The following HEATR1 variants were observed in gnomAD, a reference collection of about 807,000 sequenced individuals.
The protein encoded by HEATR1 is HEAT repeat-containing protein 1.
A neutral mutation model predicts 248.2 loss-of-function variants in HEATR1; 77 were observed. The observed-to-expected ratio is 0.31, with a 90% CI of 0.26 to 0.37. The LOEUF is 0.37. HEATR1 is among the 10% of genes least tolerant of loss of function. The pLI, the probability that HEATR1 is intolerant of heterozygous loss-of-function variation, is 1.00. For missense variants in HEATR1, 2,420 were observed against 2,504.9 expected, an observed-to-expected ratio of 0.97 and a Z score of 0.72; for synonymous variants, 897 against 923.1, an observed-to-expected ratio of 0.97 and a Z score of 0.51.
At chr1:236,598,702 T>C (rs949051247) in intron 4 of HEATR1, among the ~76,000 whole-genome samples, 2 of 152,176 alleles carry the variant, frequency 1.3e-5, no homozygotes, top group Non-Finnish European at 1.5e-5. Flanking sequence ...ACTCCTATCT[T>C]ACTAATTCTG....
chr1:236,603,279 A>G lies in HEATR1; in HGVS notation c.240T>C (p.Ser80=), dbSNP rs1664375002. ...GTTTGTTTACTGCTTTGGTCTGAAC[A>G]CTTCGCTCCAAGGTTTTTGCTAGCT... ...FSQLAKTLER[S]VQTKAVNKQL... The change falls in exon 3 of 45, where the codon AGT becomes AGC. Residue 80 remains serine (S), a synonymous_variant. Transcript: ENST00000366582. 1 of 1,614,136 alleles carries G rather than the reference A, an allele frequency of 6.2e-7. No homozygotes were observed. Among genetic ancestry groups the G allele is most frequent in the Non-Finnish European group, 8.5e-7 (1 of 1,179,990 alleles).
chr1:236,594,181 A>G, intron 8 of HEATR1, 67 bp from the exon 9 acceptor site: 1 of 1,007,758 alleles, frequency 9.9e-7, no homozygotes, highest in Non-Finnish European at 1.5e-6. Context: ...TATTAAATTC[A>G]CTTATAGCAG....
At chr1:236,578,861 T>C (rs551455136) in intron 20 of HEATR1, among the ~76,000 whole-genome samples, 4 of 152,320 alleles carry the variant, frequency 2.6e-5, no homozygotes, top group African/African-American at 9.6e-5. Context: ...AAAGATCTAG[T>C]AGGAATGCAT....
chr1:236,564,921 G>A (rs1038909819), intron 31 of HEATR1, among the ~76,000 whole-genome samples: 3 of 152,180 alleles, frequency 2.0e-5, no homozygotes, highest in Non-Finnish European at 4.4e-5. Context: ...CAATCAAATG[G>A]AAGAAACCAC....
intron 3 of HEATR1, among the ~76,000 whole-genome samples, chr1:236,602,154 A>C (rs1233491510): frequency 6.6e-6 from 1 of 152,146 alleles, no homozygotes; most frequent in Non-Finnish European, 1.5e-5. Context: ...AAAGACATAC[A>C]TATTGGGAGA....
At chr1:236,568,048 A>C (rs929367675) in intron 29 of HEATR1, among the ~76,000 whole-genome samples, 2 of 152,244 alleles carry the variant, frequency 1.3e-5, no homozygotes, top group African/African-American at 4.8e-5. Flanking sequence ...GCTCTCCATC[A>C]ATCAATCACC....
rs768724570 is a variant in HEATR1, at chr1:236,554,731, T to C, written c.5945A>G (p.Glu1982Gly). ...SKTDEAFFDS[E>G]NDPEKCCLLL... is the part of the protein sequence containing the mutation. The stretch of plus-strand genomic sequence containing the variant: ...CAAGCAGCACTTTTCAGGGTCATTT[T>C]CAGAGTCAAAAAATGCTTCATCTGT... The change falls in exon 42 of 45, where the codon GAA (glutamate) becomes GGA (glycine). Residue 1982 changes from glutamate to glycine, a missense_variant. Coordinates refer to ENST00000366582, the MANE Select transcript of HEATR1 (RefSeq NM_018072.6). The C allele has an allele frequency of 2.5e-6, 4 of 1,610,764 alleles. No homozygotes were observed. The Admixed American group carries it at 6.7e-5, about 27-fold the overall frequency.
Position 236,572,138 on chromosome 1 carries a change from C to T in HEATR1, c.3707+273G>A, listed in dbSNP as rs115275374. 9.9e-3 allele frequency among the ~76,000 whole-genome samples: 1,502 copies of T among 152,182 alleles called. 15 individuals are homozygous for T. The highest frequency in any genetic ancestry group is 0.012 in the Non-Finnish European group (835 of 68,018). ...AAATTCAACACTATATCTTGAAATG[C>T]AAGTAATGACGTCCCAGGCACGCTA... On this transcript the variant is annotated intron_variant, in intron 26 of 44. Coordinates refer to ENST00000366582, the MANE Select transcript of HEATR1 (RefSeq NM_018072.6).
At chr1:236,555,743 T>C (rs1662951943) in intron 39 of HEATR1, 62 bp downstream of exon 39, 1 of 1,609,284 alleles carries the variant, frequency 6.2e-7, no homozygotes, top group African/African-American at 1.3e-5. Flanking sequence ...GCTAGATTGT[T>C]CTCGGACTCT....
chr1:236,554,639 T>C lies in HEATR1; in HGVS notation c.6037A>G (p.Lys2013Glu), dbSNP rs777130681. 1.9e-5 allele frequency: 30 copies of C among 1,613,128 alleles called. No individual in the cohort carries two copies. In the Middle Eastern group the frequency reaches 8.3e-4, roughly 44 times the overall value. Reference protein sequence around the residue: ...FLFDTQHFISKERAEALMMPL... With the variant: ...FLFDTQHFISEERAEALMMPL... ...ATCATCAAGGCTTCTGCTCTCTCTT[T>C]ACTTATAAAATGCTGGGTATCAAAA... is the stretch of plus-strand genomic sequence containing the variant. Residue 2013 changes from lysine to glutamate, a missense_variant, in exon 42 of 45, where the codon AAA becomes GAA. Lys to Glu is a moderately conservative substitution (Grantham distance 56). Transcript: ENST00000366582.
chr1:236,567,057 T>A (rs1558181458), intron 29 of HEATR1, among the ~76,000 whole-genome samples, 181 bp from the exon 30 acceptor site: 2 of 152,088 alleles, frequency 1.3e-5, no homozygotes, highest in Non-Finnish European at 2.9e-5. Flanking sequence ...TGTGATCATA[T>A]CTCACCGCAG....
At position 236,595,533 on chromosome 1, in the gene HEATR1, C is replaced by T. The variant is rs1664154210; in HGVS notation, c.1090+7G>A. On this transcript the variant is annotated splice_region_variant and intron_variant, in intron 8 of 44. Coordinates refer to ENST00000366582, the MANE Select transcript of HEATR1 (RefSeq NM_018072.6). ...AATTTCTGGACAAAAAATATAAAACCACACACCTGTAACATGATGAATGAT... is the reference window on the plus strand; with the variant it reads ...AATTTCTGGACAAAAAATATAAAACTACACACCTGTAACATGATGAATGAT... 1 of 1,596,186 alleles carries T rather than the reference C, an allele frequency of 6.3e-7. No individual in the cohort carries two copies. Among genetic ancestry groups the T allele is most frequent in the African/African-American group, 1.4e-5 (1 of 74,002 alleles).
chr1:236,559,091 T>G lies in HEATR1; in HGVS notation c.4815A>C (p.Arg1605Ser). 5.0e-6 allele frequency: 8 copies of G among 1,611,872 alleles called. No homozygotes were observed. The highest frequency in any genetic ancestry group is 6.8e-6 in the Non-Finnish European group (8 of 1,179,324). ...LPTETFIPVI[R>S]GLVGNPLPSV... The stretch of plus-strand genomic sequence containing the variant: ...ATGGCAGGGGATTGCCCACCAGCCC[T>G]CTGATCACAGGAATGAATGTCTCTG... The change falls in exon 35 of 45, where the codon AGA becomes AGC. Residue 1605 changes from arginine to serine, a missense_variant. Physicochemically the swap from Arg to Ser is moderately radical, Grantham distance 110 (BLOSUM62 -1). Coordinates refer to ENST00000366582, the MANE Select transcript of HEATR1 (RefSeq NM_018072.6).
At position 236,559,695 on chromosome 1, in the gene HEATR1, G is replaced by A; in HGVS notation, c.4770+19C>T. 6.3e-7 allele frequency: 1 copy of A among 1,582,656 alleles called. No individual in the cohort carries two copies. The highest frequency in any genetic ancestry group is 1.2e-5 in the South Asian group (1 of 86,374). On this transcript the variant is annotated intron_variant, in intron 34 of 44. Transcript: ENST00000366582. ...AAACAGCAACAAAACAGTAATTCCA[G>A]GGAGAAATGAACACCTACCTTATCT...
chr1:236,594,485 CT>C (rs1295681469), intron 8 of HEATR1, among the ~76,000 whole-genome samples: 1 of 152,186 alleles, frequency 6.6e-6, no homozygotes, highest in Non-Finnish European at 1.5e-5. Flanking sequence ...TACCCACCCC[CT>C]TACTGAACCA....
In HEATR1 at chr1:236,553,716, T is replaced by G. The variant is rs766115066; in HGVS notation, c.6102A>C (p.Glu2034Asp). 1 of 1,613,024 alleles carries G rather than the reference T, an allele frequency of 6.2e-7. No homozygotes were observed. Among genetic ancestry groups the G allele is most frequent in the Non-Finnish European group, 8.5e-7 (1 of 1,179,376 alleles). ...VDQLENRLGG[E>D]EKFQERVTKH... Reference sequence around the variant, plus strand: ...TTGTCACCCGTTCCTGGAATTTCTCTTCTCCCCCAAGCCTGTTTTCCAGCT... The same window carrying G: ...TTGTCACCCGTTCCTGGAATTTCTCGTCTCCCCCAAGCCTGTTTTCCAGCT... Residue 2034 changes from glutamate (E) to aspartate (D), a missense_variant, in exon 43 of 45, where the codon GAA (glutamate) becomes GAC (aspartate). Glu to Asp is a conservative substitution (Grantham distance 45). Transcript: ENST00000366582.
chr1:236,580,519 C>CTTTTTTTTTTTTTTTTTTT (rs10692063), intron 20 of HEATR1, among the ~76,000 whole-genome samples: 1 of 132,128 alleles, frequency 7.6e-6, no homozygotes, highest in Non-Finnish European at 1.6e-5. Context: ...ATGTACAGCC[C>CTTTTTTTTTTTTTTTTTTT]TTTTTTTTTT....
At position 236,586,256 on chromosome 1, in the gene HEATR1, T is replaced by G; in HGVS notation, c.1912A>C (p.Arg638=). 6.2e-7 allele frequency: 1 copy of G among 1,611,282 alleles called. No individual in the cohort carries two copies. The highest frequency in any genetic ancestry group is 8.5e-7 in the Non-Finnish European group (1 of 1,178,718). ...SGICSLHPLL[R]GWEEALENVI... Reference sequence around the variant, plus strand: ...AATTTTTTACCTTCTTCCCAGCCTCTTAATAGAGGGTGCAGGGAGCAGATT... The same window carrying G: ...AATTTTTTACCTTCTTCCCAGCCTCGTAATAGAGGGTGCAGGGAGCAGATT... The change falls in exon 15 of 45, where the codon AGA becomes CGA. Residue 638 remains arginine, a synonymous_variant. Coordinates refer to ENST00000366582, the MANE Select transcript of HEATR1 (RefSeq NM_018072.6).
At chr1:236,593,589 A>G (rs1237727566) in intron 9 of HEATR1, among the ~76,000 whole-genome samples, 2 of 129,472 alleles carry the variant, frequency 1.5e-5, no homozygotes, top group South Asian at 2.6e-4. Flanking sequence ...TAAGAGAAAA[A>G]AAAAAAAAAA....
Sources: allele counts gnomAD v4.1 joint callset (sites outside exome capture counted in the v4.1 genomes callset), GRCh38; gene constraint gnomAD v4.1.1; transcripts MANE v1.5; gene names NCBI Gene and HGNC (gene_info 2026-07-23, HGNC 2026-07-21).